The following RINT1 variants were observed in gnomAD, a reference collection of about 807,000 sequenced individuals.
RINT1 encodes the protein RAD50 interactor 1.
RINT1 carries 75 observed loss-of-function variants against 97.7 expected under a neutral mutation model. The ratio of observed to expected loss-of-function variants is 0.77; its 90% CI spans 0.64 to 0.93. The LOEUF (loss-of-function observed/expected upper bound fraction) is 0.93, where lower values mean the gene tolerates loss of function less well. Ranked by LOEUF, RINT1 falls within the 40% of genes least tolerant of loss-of-function variation. The pLI is 0.00. For synonymous variants in RINT1, 303 were observed against 326.3 expected (o/e 0.93, Z 0.77); for missense variants, 892 against 925.2 (o/e 0.96, Z 0.47).
At chr7:105,553,321 G>A (rs1004099443) in intron 10 of RINT1, among the ~76,000 whole-genome samples, 16 of 151,824 alleles carry the variant, frequency 1.1e-4, no homozygotes, top group Non-Finnish European at 2.2e-4. Context: ...CGCCTCCTGG[G>A]TCCAAGCAAT....
intron 10 of RINT1, among the ~76,000 whole-genome samples, chr7:105,553,446 C>T (rs1238765484): frequency 3.3e-5 from 5 of 151,196 alleles, no homozygotes; most frequent in African/African-American, 1.2e-4. Flanking sequence ...GTTGGCCAGG[C>T]ACGGTGGCTC....
Position 105,556,494 on chromosome 7 carries a change from GTATT to G in RINT1, c.1671+1271_1671+1274del, listed in dbSNP as rs1454746863. ...TATTTATATAGAGAGATATATATTA[GTATT>G]TATCTCTAAAAGGTAAGAACTCTTT... On this transcript the variant is annotated intron_variant, in intron 11 of 14. Coordinates refer to ENST00000257700, the MANE Select transcript of RINT1 (RefSeq NM_021930.6). 4.6e-5 allele frequency among the ~76,000 whole-genome samples: 7 copies of G among 151,336 alleles called. 1 individual carries two copies. In the Middle Eastern group the frequency reaches 0.01, roughly 221 times the overall value.
chr7:105,554,771 T>G (rs532589410), intron 10 of RINT1, among the ~76,000 whole-genome samples: 1 of 152,310 alleles, frequency 6.6e-6, no homozygotes. Context: ...AATTTTTTCA[T>G]TTGCCTTTTT....
chr7:105,548,832 T>A, intron 7 of RINT1, 122 bp downstream of exon 7: 1 of 879,332 alleles, frequency 1.1e-6, no homozygotes, highest in Non-Finnish European at 1.7e-6. Flanking sequence ...TCTAAAGGGC[T>A]ACATTCCTGT....
chr7:105,543,943 A>G (rs1790559102), intron 4 of RINT1, among the ~76,000 whole-genome samples: 2 of 151,750 alleles, frequency 1.3e-5, no homozygotes, highest in Admixed American at 6.6e-5. Flanking sequence ...ACAAAAAAAA[A>G]AAAGAAATTA....
Position 105,536,766 on chromosome 7 carries a change from A to C in RINT1, c.273+17A>C. 2.0e-6 allele frequency: 3 copies of C among 1,481,332 alleles called. No homozygotes were observed. Among genetic ancestry groups the C allele is most frequent in the Non-Finnish European group, 2.7e-6 (3 of 1,094,900 alleles). The allele number at this position is 1,481,332 out of a possible 1,614,324, so 91.8% of individuals were successfully genotyped here. On this transcript the variant is annotated intron_variant, in intron 3 of 14. Coordinates refer to ENST00000257700, the MANE Select transcript of RINT1 (RefSeq NM_021930.6). ...GAAGAACAGGTAAGTATTGAAACTC[A>C]CTGAAATAATTATCAGTGGAATACT...
intron 7 of RINT1, among the ~76,000 whole-genome samples, 162 bp downstream of exon 7, chr7:105,548,872 A>G (rs1421146756): frequency 1.3e-5 from 2 of 152,148 alleles, no homozygotes; most frequent in Non-Finnish European, 1.5e-5. Context: ...CATATAATTG[A>G]GGACTTGTGT....
intron 4 of RINT1, among the ~76,000 whole-genome samples, chr7:105,543,927 A>G (rs1217159736): frequency 1.3e-5 from 2 of 151,514 alleles, no homozygotes; most frequent in African/African-American, 2.4e-5. Context: ...CGTCTCTACT[A>G]AAAATACAAA....
intron 4 of RINT1, among the ~76,000 whole-genome samples, chr7:105,545,365 T>C (rs1790619019): frequency 6.6e-6 from 1 of 150,640 alleles, no homozygotes; most frequent in South Asian, 2.1e-4. Flanking sequence ...GGTAGGAGGA[T>C]CGCTTGAGCC....
At chr7:105,548,800 C>G (rs367621671) in intron 7 of RINT1, 90 bp downstream of exon 7, 15 of 1,253,564 alleles carry the variant, frequency 1.2e-5, no homozygotes, top group East Asian at 9.4e-5. Context: ...AAATCTGACT[C>G]TCTTCACATT....
intron 2 of RINT1, among the ~76,000 whole-genome samples, chr7:105,535,262 C>T (rs1316351846): frequency 3.5e-5 from 5 of 143,206 alleles, no homozygotes; most frequent in Non-Finnish European, 1.5e-5. Context: ...CAGAGTCTCA[C>T]TCTGTTGCCC....
chr7:105,551,820 C>A, intron 10 of RINT1, 113 bp downstream of exon 10: 4 of 799,006 alleles, frequency 5.0e-6, no homozygotes, highest in Non-Finnish European at 7.4e-6. Flanking sequence ...AATCCTAGCA[C>A]TTTGAGAGGC....
At position 105,555,641 on chromosome 7, in the gene RINT1, A is replaced by G. The variant is rs574883858; in HGVS notation, c.1671+414A>G. On this transcript the variant is annotated intron_variant, in intron 11 of 14. Transcript: ENST00000257700. ...AAAACATGACAGATTATAAAGAGTCATGAAAATAGGAAGAAACATTTAAAG... is the reference window on the plus strand; with the variant it reads ...AAAACATGACAGATTATAAAGAGTCGTGAAAATAGGAAGAAACATTTAAAG... Among the ~76,000 whole-genome samples, 9 of 152,360 alleles carry G rather than the reference A, an allele frequency of 5.9e-5. No individual in the cohort carries two copies. In the East Asian group the frequency reaches 1.7e-3, roughly 29 times the overall value.
chr7:105,563,989 AAAAGTT>A, intron 12 of RINT1, 42 bp downstream of exon 12: 1 of 1,435,362 alleles, frequency 7.0e-7, no homozygotes, highest in Non-Finnish European at 9.8e-7. Context: ...CCAGTTTGGT[AAAAGTT>A]AAAGAATATG....
At chr7:105,558,420 G>A (rs530769584) in intron 11 of RINT1, among the ~76,000 whole-genome samples, 3 of 152,196 alleles carry the variant, frequency 2.0e-5, no homozygotes, top group Non-Finnish European at 2.9e-5. Context: ...TCTGCTAAGC[G>A]TTTTTAGTAA....
At position 105,532,275 on chromosome 7, in the gene RINT1, C is replaced by A; in HGVS notation, c.-41C>A. On this transcript the variant is annotated 5_prime_UTR_variant, in exon 1 of 15. Transcript: ENST00000257700. The stretch of plus-strand genomic sequence containing the variant: ...GGCCTTAGCCAGACTCCACAGGCCA[C>A]GCTGGCTGCGAATGGAGCCGAGGAC... The A allele has an allele frequency of 6.4e-7, 1 of 1,554,086 alleles. No individual in the cohort carries two copies. The highest frequency in any genetic ancestry group is 8.7e-7 in the Non-Finnish European group (1 of 1,153,700).
chr7:105,533,637 A>C (rs1790117640), intron 2 of RINT1, among the ~76,000 whole-genome samples: 1 of 152,176 alleles, frequency 6.6e-6, no homozygotes, highest in Non-Finnish European at 1.5e-5. Context: ...CTTAGGAGTA[A>C]GATTTGCCCT....
chr7:105,548,051 A>G (rs1016845736), intron 6 of RINT1, among the ~76,000 whole-genome samples: 1 of 151,832 alleles, frequency 6.6e-6, no homozygotes, highest in African/African-American at 2.4e-5. Flanking sequence ...TTTTAAAGAC[A>G]TGGTCTCACT....
In RINT1 at chr7:105,563,777, GAAT is replaced by G. The variant is rs1791555699; in HGVS notation, c.1721_1723del (p.Asn574del). On this transcript the variant is annotated inframe_deletion, in exon 12 of 15. Coordinates refer to ENST00000257700, the MANE Select transcript of RINT1 (RefSeq NM_021930.6). ...AGGCTGCACTGGAGGTGTTTGCAGA[GAAT>G]AATACTCTGAGTAAATTGCAGCTAG... 1.2e-6 allele frequency: 2 copies of G among 1,614,200 alleles called. No homozygotes were observed. The highest frequency in any genetic ancestry group is 1.7e-6 in the Non-Finnish European group (2 of 1,180,034).
Sources: allele counts gnomAD v4.1 joint callset (sites outside exome capture counted in the v4.1 genomes callset), GRCh38; gene constraint gnomAD v4.1.1; transcripts MANE v1.5; gene names NCBI Gene and HGNC (gene_info 2026-07-23, HGNC 2026-07-21).